The following NCOR1 variants were observed in gnomAD, a reference collection of about 807,000 sequenced individuals.
NCOR1 encodes the protein nuclear receptor corepressor 1.
A neutral mutation model predicts 288.1 loss-of-function variants in NCOR1; 63 were observed. The ratio of observed to expected loss-of-function variants is 0.22; its 90% CI spans 0.18 to 0.27. The LOEUF is 0.27. NCOR1 is among the 10% of genes least tolerant of loss of function. The pLI is 1.00. For synonymous variants in NCOR1, 1,007 were observed against 1,065.9 expected, an observed-to-expected ratio of 0.94 and a Z score of 1.08; for missense variants, 2,397 against 3,019.2, an observed-to-expected ratio of 0.79 and a Z score of 4.83.
chr17:16,085,384 G>T (rs974084894), intron 23 of NCOR1, among the ~76,000 whole-genome samples: 2 of 152,126 alleles, frequency 1.3e-5, no homozygotes, highest in African/African-American at 4.8e-5. Context: ...CCAGGTAATT[G>T]TACAAGAAAA....
intron 14 of NCOR1, among the ~76,000 whole-genome samples, chr17:16,128,526 T>A (rs779489753): frequency 1.3e-5 from 2 of 152,228 alleles, no homozygotes; most frequent in African/African-American, 4.8e-5. Context: ...GGAGAGTGTC[T>A]GGACCATGAT....
In NCOR1 at chr17:16,039,663, G is replaced by T. The variant is rs374388689; in HGVS notation, c.6734-9C>A. 1.2e-5 allele frequency: 19 copies of T among 1,608,272 alleles called. No homozygotes were observed. The highest frequency in any genetic ancestry group is 1.6e-5 in the Non-Finnish European group (19 of 1,176,442). Reference sequence around the variant, plus strand: ...TCTAGAGCTAACTGAGCCTGAAAGAGAATCAAAAACATTTCCACTTATTTC... The same window carrying T: ...TCTAGAGCTAACTGAGCCTGAAAGATAATCAAAAACATTTCCACTTATTTC... On this transcript the variant is annotated splice_polypyrimidine_tract_variant and intron_variant, in intron 43 of 45. Transcript: ENST00000268712.
At chr17:16,099,083 T>C (rs1170487905) in intron 20 of NCOR1, among the ~76,000 whole-genome samples, 1 of 152,056 alleles carries the variant, frequency 6.6e-6, no homozygotes, top group Non-Finnish European at 1.5e-5. Flanking sequence ...TCATGAAAAA[T>C]GGAAAGAACC....
intron 26 of NCOR1, among the ~76,000 whole-genome samples, chr17:16,078,600 G>A (rs931013435): frequency 6.6e-6 from 1 of 151,164 alleles, no homozygotes; most frequent in Non-Finnish European, 1.5e-5. Context: ...TTTTGAGACG[G>A]AGTCTCACTC....
chr17:16,200,147 A>G (rs2090569176), intron 1 of NCOR1, among the ~76,000 whole-genome samples: 1 of 152,114 alleles, frequency 6.6e-6, no homozygotes, highest in Non-Finnish European at 1.5e-5. Context: ...CATAACCAAA[A>G]TGTGTTATGC....
In NCOR1 at chr17:16,159,370, G is replaced by A. The variant is rs552643544; in HGVS notation, c.619-497C>T. Reference sequence around the variant, plus strand: ...GGAGGTTGCAGTGAGTCGAGATAACGCCACTGCACTCCAGCCTGGGCAACA... The same window carrying A: ...GGAGGTTGCAGTGAGTCGAGATAACACCACTGCACTCCAGCCTGGGCAACA... On this transcript the variant is annotated intron_variant, in intron 5 of 45. Transcript: ENST00000268712. Among the ~76,000 whole-genome samples, 25 of 129,930 alleles carry A rather than the reference G, an allele frequency of 1.9e-4. No individual in the cohort carries two copies. In the East Asian group the frequency reaches 4.6e-3, roughly 24 times the overall value. 85.2% of individuals were successfully genotyped at this position (129,930 alleles called of 152,430 possible). A position where few individuals can be genotyped will look rare whatever the true frequency, so the allele number is the denominator to read the frequency against.
intron 11 of NCOR1, among the ~76,000 whole-genome samples, chr17:16,140,881 T>C (rs764994626): frequency 5.3e-5 from 8 of 151,798 alleles, no homozygotes; most frequent in African/African-American, 1.9e-4. Context: ...GTCCCAGCTA[T>C]TCAGGAGACT....
intron 42 of NCOR1, among the ~76,000 whole-genome samples, chr17:16,045,665 T>A (rs900965925): frequency 4.6e-5 from 7 of 152,082 alleles, no homozygotes; most frequent in Admixed American, 2.0e-4. Flanking sequence ...CACGCCACCA[T>A]GACCAGCTGT....
rs66769265 is a variant in NCOR1, at chr17:16,081,214, GTTT to G, written c.3178-490_3178-488del. Among the ~76,000 whole-genome samples the G allele has an allele frequency of 6.6e-5, 9 of 136,444 alleles. No homozygotes were observed. The Admixed American group carries it at 6.6e-4, about 10-fold the overall frequency. The allele number at this position is 136,444 out of a possible 152,430, so 89.5% of individuals were successfully genotyped here. A position where few individuals can be genotyped will look rare whatever the true frequency, so the allele number is the denominator to read the frequency against. ...CTTTTGTTTTTTTTGTTTTCTTTTT[GTTT>G]TTTTTTTTGAGACAGAGATTTGCTC... On this transcript the variant is annotated intron_variant, in intron 23 of 45. Coordinates refer to ENST00000268712, the MANE Select transcript of NCOR1 (RefSeq NM_006311.4).
chr17:16,079,138 AAC>A (rs1204596647), intron 26 of NCOR1, among the ~76,000 whole-genome samples: 3 of 152,198 alleles, frequency 2.0e-5, no homozygotes, highest in African/African-American at 7.2e-5. Flanking sequence ...GGCTTGGGAA[AAC>A]ACAGACTGCC....
At chr17:16,055,822 T>C (rs2059846919) in intron 40 of NCOR1, among the ~76,000 whole-genome samples, 1 of 152,204 alleles carries the variant, frequency 6.6e-6, no homozygotes, top group African/African-American at 2.4e-5. Flanking sequence ...TTTTCTTTTT[T>C]TGGTTTTGTT....
Position 16,186,682 on chromosome 17 carries a change from G to A in NCOR1, c.114C>T (p.Phe38=), listed in dbSNP as rs774156133. Residue 38 remains phenylalanine, a synonymous_variant, in exon 3 of 46, where the codon TTC becomes TTT. Transcript: ENST00000268712. ...GAGAGGAACGATAATCAGGGACTGC[G>A]AACTCCTAGTATTAAAATAATCATA... ...TFPNTRHQQE[F]AVPDYRSSHL... is the part of the protein sequence containing the mutation. 29 of 1,611,522 alleles carry A rather than the reference G, an allele frequency of 1.8e-5. No homozygotes were observed. Among genetic ancestry groups the A allele is most frequent in the African/African-American group, 9.4e-5 (7 of 74,746 alleles).
At chr17:16,033,199 G>T (rs1462228451) in intron 45 of NCOR1, among the ~76,000 whole-genome samples, 1 of 152,040 alleles carries the variant, frequency 6.6e-6, no homozygotes, top group Non-Finnish European at 1.5e-5. Flanking sequence ...GCCGGGTGTG[G>T]TGGTGCATGC....
rs150938808 is a variant in NCOR1 at position 16,112,079 on chromosome 17, C to A, written c.2056-3167G>T. Among the ~76,000 whole-genome samples the A allele has an allele frequency of 7.5e-3, 1,148 of 152,182 alleles. 19 individuals are homozygous for A. Among genetic ancestry groups the A allele is most frequent in the East Asian group, 0.05 (256 of 5,168 alleles). ...AGAGAAGGGGTTTCACCATGTTAGC[C>A]AGGATGGTCTCAATCTCCTGACCTA... On this transcript the variant is annotated intron_variant, in intron 18 of 45. Transcript: ENST00000268712.
At chr17:16,147,651 TCA>T (rs1317062792) in intron 9 of NCOR1, among the ~76,000 whole-genome samples, 1 of 152,124 alleles carries the variant, frequency 6.6e-6, no homozygotes, top group Non-Finnish European at 1.5e-5. Flanking sequence ...ATTATCTTTC[TCA>T]CATTCCACAC....
At chr17:16,072,951 T>C (rs188895038) in intron 28 of NCOR1, among the ~76,000 whole-genome samples, 212 of 152,266 alleles carry the variant, frequency 1.4e-3, no homozygotes, top group African/African-American at 4.6e-3. Flanking sequence ...CCTCACACAG[T>C]GTTAGGTACG....
chr17:16,160,650 G>A (rs947806965), intron 5 of NCOR1, among the ~76,000 whole-genome samples: 1 of 152,126 alleles, frequency 6.6e-6, no homozygotes, highest in South Asian at 2.1e-4. Flanking sequence ...AAATTAGCTC[G>A]GTGTAGTGGC....
chr17:16,097,033 T>C (rs2066752173), intron 21 of NCOR1, among the ~76,000 whole-genome samples: 1 of 152,168 alleles, frequency 6.6e-6, no homozygotes. Context: ...AAATGACAAA[T>C]ACTGTATGAT....
At chr17:16,115,395 C>T (rs1363705700) in intron 18 of NCOR1, among the ~76,000 whole-genome samples, 1 of 152,226 alleles carries the variant, frequency 6.6e-6, no homozygotes, top group Middle Eastern at 3.2e-3. Context: ...CAAATTCCTG[C>T]AGCAGGCTTG....
Sources: gnomAD v4.1 joint callset for allele counts (sites outside exome capture counted in the v4.1 genomes callset) on GRCh38, gnomAD v4.1.1 for gene constraint, MANE v1.5 for transcripts, NCBI Gene and HGNC (gene_info 2026-07-23, HGNC 2026-07-21) for gene names.